Variants in RIPOR3 observed in about 807,000 individuals in gnomAD.
RIPOR3 encodes the protein family with sequence similarity 65 member C.
Under a neutral mutation model 114.3 loss-of-function variants are expected in RIPOR3, and 95 were observed. The ratio of observed to expected loss-of-function variants is 0.83; its 90% CI spans 0.70 to 0.99. The LOEUF (loss-of-function observed/expected upper bound fraction) is 0.99, where lower values mean the gene tolerates loss of function less well. Among genes scored for constraint, RIPOR3 ranks in the 50% least tolerant of loss-of-function variants. The pLI, the probability that RIPOR3 is intolerant of heterozygous loss-of-function variation, is 0.00. For missense variants in RIPOR3, 1,252 were observed against 1,266.9 expected (o/e 0.99, Z 0.18); for synonymous variants, 575 against 543.8 (o/e 1.06, Z -0.80).
intron 1 of RIPOR3, among the ~76,000 whole-genome samples, chr20:50,653,436 G>C (rs2085690216): frequency 6.6e-6 from 1 of 150,466 alleles, no homozygotes; most frequent in Admixed American, 6.7e-5. Context: ...ACACTAAATT[G>C]TATACTTTTT....
rs753095485 is a variant in RIPOR3, at chr20:50,608,989, C to T, written c.641-34G>A. 1.1e-5 allele frequency: 17 copies of T among 1,557,060 alleles called. No homozygotes were observed. In the South Asian group the frequency reaches 2.0e-4, roughly 18 times the overall value. On this transcript the variant is annotated intron_variant, in intron 8 of 21. Coordinates refer to ENST00000327979, the MANE Select transcript of RIPOR3 (RefSeq NM_001290268.2). ...CAGACATGGCCGGTCTCCCCTCCGC[C>T]TTCCACTCTCCCTGACCTGGGACCA...
intron 4 of RIPOR3, among the ~76,000 whole-genome samples, chr20:50,613,461 AG>A (rs1253888017): frequency 6.6e-6 from 1 of 150,728 alleles, no homozygotes; most frequent in Non-Finnish European, 1.5e-5. Flanking sequence ...CCGAAAAAAA[AG>A]AAAAGAAAAG....
intron 1 of RIPOR3, among the ~76,000 whole-genome samples, chr20:50,663,444 G>A (rs879556928): frequency 6.6e-5 from 10 of 152,170 alleles, no homozygotes; most frequent in East Asian, 1.9e-4. Context: ...CTCTCCAAGC[G>A]CCCCAGTGCA....
chr20:50,608,575 C>T (rs759296717), intron 10 of RIPOR3, 38 bp downstream of exon 10: 4 of 1,613,724 alleles, frequency 2.5e-6, no homozygotes, highest in South Asian at 1.1e-5. Flanking sequence ...AGCCGAACAC[C>T]CAGGCACCCC....
chr20:50,586,953 C>G lies in RIPOR3; in HGVS notation c.*279G>C, dbSNP rs1257697541. The stretch of plus-strand genomic sequence containing the variant: ...CCTAGTTTGGCTCAGCTCTGCATCT[C>G]GGGGAAGGTCACACAGACCCTCAGC... On this transcript the variant is annotated 3_prime_UTR_variant, in exon 22 of 22. Transcript: ENST00000327979. 1 of 376,364 alleles carries G rather than the reference C, an allele frequency of 2.7e-6. No individual in the cohort carries two copies. Among genetic ancestry groups the G allele is most frequent in the Non-Finnish European group, 4.9e-6 (1 of 204,624 alleles). 23.3% of individuals were successfully genotyped at this position (376,364 alleles called of 1,614,324 possible). A position where few individuals can be genotyped will look rare whatever the true frequency, so the allele number is the denominator to read the frequency against.
chr20:50,594,181 C>T (rs572458184), intron 17 of RIPOR3, among the ~76,000 whole-genome samples: 12 of 149,964 alleles, frequency 8.0e-5, no homozygotes, highest in African/African-American at 3.0e-4. Flanking sequence ...GAGGCTGAGG[C>T]AGAAGAATCG....
intron 1 of RIPOR3, among the ~76,000 whole-genome samples, chr20:50,686,041 G>C (rs1400561183): frequency 6.6e-6 from 1 of 152,052 alleles, no homozygotes; most frequent in East Asian, 1.9e-4. Context: ...TGGCCTGAAA[G>C]CATAGACGCC....
chr20:50,613,222 T>G (rs1033709472), intron 4 of RIPOR3, among the ~76,000 whole-genome samples: 2 of 151,808 alleles, frequency 1.3e-5, no homozygotes, highest in Non-Finnish European at 2.9e-5. Context: ...CCGAGGTGAG[T>G]GGATCACCTG....
intron 1 of RIPOR3, 103 bp downstream of exon 1, chr20:50,691,023 C>G: frequency 1.6e-6 from 2 of 1,274,928 alleles, no homozygotes; most frequent in South Asian, 2.5e-5. Context: ...CTCCAGGTGG[C>G]CTGTGAGGAA....
chr20:50,608,587 G>GC, intron 10 of RIPOR3, 26 bp downstream of exon 10: 6 of 1,613,726 alleles, frequency 3.7e-6, no homozygotes, highest in Non-Finnish European at 5.1e-6. Flanking sequence ...AGGCACCCCA[G>GC]CCCTGCCCCC....
intron 12 of RIPOR3, among the ~76,000 whole-genome samples, chr20:50,604,215 G>A (rs768579651): frequency 8.6e-5 from 13 of 151,828 alleles, no homozygotes; most frequent in African/African-American, 1.7e-4. Flanking sequence ...AAAAAAAGGC[G>A]TATACACTTG....
chr20:50,619,731 G>A (rs1055355231), intron 3 of RIPOR3, among the ~76,000 whole-genome samples: 1 of 152,214 alleles, frequency 6.6e-6, no homozygotes. Flanking sequence ...TGATTGCATT[G>A]AATCTGCCCC....
At chr20:50,621,120 C>CAAAA in intron 2 of RIPOR3, 2 of 172,456 alleles carry the variant, frequency 1.2e-5, no homozygotes, top group Non-Finnish European at 1.1e-5. Flanking sequence ...AACAGCTTGA[C>CAAAA]AAAAAAAAAA....
At position 50,587,038 on chromosome 20, in the gene RIPOR3, C is replaced by CT; in HGVS notation, c.*193dup. 1 of 581,614 alleles carries CT rather than the reference C, an allele frequency of 1.7e-6. No individual in the cohort carries two copies. Among genetic ancestry groups the CT allele is most frequent in the East Asian group, 2.8e-5 (1 of 35,276 alleles). The allele number at this position is 581,614 out of a possible 1,614,324, so 36.0% of individuals were successfully genotyped here. ...CCTGGAATGCTGTACCTTTGCCTTG[C>CT]TTTTTTCTGCCTCTGTACAAAAGAC... On this transcript the variant is annotated 3_prime_UTR_variant, in exon 22 of 22. Transcript: ENST00000327979.
intron 2 of RIPOR3, chr20:50,621,082 C>T (rs954453476): frequency 1.0e-5 from 4 of 391,740 alleles, no homozygotes; most frequent in Non-Finnish European, 2.0e-5. Flanking sequence ...GACTGAGCCC[C>T]CTCCCCTGCC....
chr20:50,630,571 A>ATCTCTCTCTCTC (rs140830420), intron 2 of RIPOR3, among the ~76,000 whole-genome samples, 167 bp downstream of exon 2: 1 of 133,044 alleles, frequency 7.5e-6, no homozygotes, highest in African/African-American at 2.5e-5. Flanking sequence ...CTCAATCTCA[A>ATCTCTCTCTCTC]TCTCTCTCTC....
intron 1 of RIPOR3, among the ~76,000 whole-genome samples, chr20:50,675,582 C>T (rs927724236): frequency 3.3e-5 from 5 of 152,322 alleles, no homozygotes; most frequent in African/African-American, 4.8e-5. Context: ...CAGTCCTCAC[C>T]GACCACACTG....
In RIPOR3 at chr20:50,596,184, C is replaced by T. The variant is rs765713430; in HGVS notation, c.1870G>A (p.Val624Met). ...ELTAGAPELD[V>M]LLMVHLQVCK... is the part of the protein sequence containing the mutation. ...ACTTGGAGGTGTACCATCAGCAGCACGTCCAGCTCTGGGGCACCGGCTGTG... is the reference window on the plus strand; with the variant it reads ...ACTTGGAGGTGTACCATCAGCAGCATGTCCAGCTCTGGGGCACCGGCTGTG... The change falls in exon 15 of 22, where the codon GTG (valine) becomes ATG (methionine). Residue 624 changes from valine (V) to methionine (M), a missense_variant. Transcript: ENST00000327979. 6.2e-6 allele frequency: 10 copies of T among 1,614,232 alleles called. No individual in the cohort carries two copies. The highest frequency in any genetic ancestry group is 1.1e-5 in the South Asian group (1 of 91,084).
rs201975533 is a variant in RIPOR3 at position 50,620,652 on chromosome 20, T to C, written c.123-520A>G. The C allele has an allele frequency of 3.4e-4, 4 of 11,876 alleles. No individual in the cohort carries two copies. In the South Asian group the frequency reaches 9.0e-3, roughly 27 times the overall value. 0.7% of individuals were successfully genotyped at this position (11,876 alleles called of 1,614,324 possible). On this transcript the variant is annotated intron_variant, in intron 2 of 21. Coordinates refer to ENST00000327979, the MANE Select transcript of RIPOR3 (RefSeq NM_001290268.2). ...AAAAATAAATAAATAAATAAATAAA[T>C]AAATAAATAAATAAATAAATAAATA...
Sources: gnomAD v4.1 joint callset for allele counts (sites outside exome capture counted in the v4.1 genomes callset) on GRCh38, gnomAD v4.1.1 for gene constraint, MANE v1.5 for transcripts, NCBI Gene and HGNC (gene_info 2026-07-23, HGNC 2026-07-21) for gene names.